Variants in BEST2 observed in about 807,000 individuals in gnomAD.
The protein encoded by BEST2 is bestrophin 2.
A neutral mutation model predicts 49.0 loss-of-function variants in BEST2; 36 were observed. The ratio of observed to expected loss-of-function variants is 0.73; its 90% CI spans 0.56 to 0.97. The LOEUF (loss-of-function observed/expected upper bound fraction) is 0.97. Ranked by LOEUF, BEST2 falls within the 50% of genes least tolerant of loss-of-function variation. The pLI is 0.00. For synonymous variants in BEST2, 335 were observed against 304.4 expected (o/e 1.10, Z -1.05); for missense variants, 672 against 710.0 (o/e 0.95, Z 0.61).
chr19:12,758,182 C>A lies in BEST2; in HGVS notation c.*105C>A. ...CCTCGTGTGCCTTTGTAAAGTCCACCTACACTTTTGACCAGCTCTCGCTGC... is the reference window on the plus strand; with the variant it reads ...CCTCGTGTGCCTTTGTAAAGTCCACATACACTTTTGACCAGCTCTCGCTGC... On this transcript the variant is annotated 3_prime_UTR_variant, in exon 10 of 10. Coordinates refer to ENST00000553030, the MANE Select transcript of BEST2 (RefSeq NM_017682.3). 1.5e-6 allele frequency: 2 copies of A among 1,351,226 alleles called. No individual in the cohort carries two copies. Among genetic ancestry groups the A allele is most frequent in the East Asian group, 2.4e-5 (1 of 41,090 alleles). 83.7% of individuals were successfully genotyped at this position (1,351,226 alleles called of 1,614,324 possible). A position where few individuals can be genotyped will look rare whatever the true frequency, so the allele number is the denominator to read the frequency against.
chr19:12,755,494 T>A lies in BEST2; in HGVS notation c.714+38T>A. 6.2e-7 allele frequency: 1 copy of A among 1,611,416 alleles called. No individual in the cohort carries two copies. The highest frequency in any genetic ancestry group is 2.2e-5 in the East Asian group (1 of 44,870). ...TGCCTCTTTTTATATTCGGTGTCAGTGGCCCTGATGCCTGGTTTCCAAGGG... is the reference window on the plus strand; with the variant it reads ...TGCCTCTTTTTATATTCGGTGTCAGAGGCCCTGATGCCTGGTTTCCAAGGG... On this transcript the variant is annotated intron_variant, in intron 6 of 9. Coordinates refer to ENST00000553030, the MANE Select transcript of BEST2 (RefSeq NM_017682.3). This position sits in a 1 kb window ranked among gnomAD's most constrained non-coding sequence, Gnocchi z 4.4.
chr19:12,755,481 T>C lies in BEST2; in HGVS notation c.714+25T>C, dbSNP rs763459755. 2 of 1,613,366 alleles carry C rather than the reference T, an allele frequency of 1.2e-6. No homozygotes were observed. The highest frequency in any genetic ancestry group is 4.5e-5 in the East Asian group (2 of 44,878). On this transcript the variant is annotated intron_variant, in intron 6 of 9. Transcript: ENST00000553030. The surrounding 1 kb of genome is among the most constrained non-coding windows in gnomAD (Gnocchi z 4.4). ...GGTAACCCCATCATGCCTCTTTTTA[T>C]ATTCGGTGTCAGTGGCCCTGATGCC...
At chr19:12,756,376 G>A in intron 9 of BEST2, 81 bp downstream of exon 9, 2 of 1,534,530 alleles carry the variant, frequency 1.3e-6, no homozygotes, top group East Asian at 4.5e-5. Context: ...AGGTTAAGTG[G>A]AATCAATTCT....
intron 3 of BEST2, 135 bp downstream of exon 3, chr19:12,753,489 C>G (rs1967897872): frequency 1.3e-6 from 1 of 773,334 alleles, no homozygotes; most frequent in Non-Finnish European, 2.2e-6. Context: ...ACTGCCCACC[C>G]ATTTTTGGAT....
chr19:12,755,143 C>A lies in BEST2; in HGVS notation c.636+112C>A. 1 of 1,317,454 alleles carries A rather than the reference C, an allele frequency of 7.6e-7. No homozygotes were observed. 81.6% of individuals were successfully genotyped at this position (1,317,454 alleles called of 1,614,324 possible). A position where few individuals can be genotyped will look rare whatever the true frequency, so the allele number is the denominator to read the frequency against. ...CCACGAGGCCGATTTCAAACACCCT[C>A]ACCAGGTGCACTCTTACCTCCATGG... On this transcript the variant is annotated intron_variant, in intron 5 of 9. Transcript: ENST00000553030. The surrounding 1 kb of genome is among the most constrained non-coding windows in gnomAD (Gnocchi z 4.4).
Position 12,753,260 on chromosome 19 carries a change from C to G in BEST2, c.153C>G (p.Arg51=). ...GTGACCCCTCATCTCTATCCCGCAG[C>G]TTTGTGCTGACCGAAGGGCAGAAGC... The part of the protein sequence containing the change: ...GFYMALSAAY[R]FVLTEGQKRY... Residue 51 remains arginine (R), a splice_region_variant and synonymous_variant, in exon 3 of 10, where the codon CGC becomes CGG. Coordinates refer to ENST00000553030, the MANE Select transcript of BEST2 (RefSeq NM_017682.3). The G allele has an allele frequency of 6.2e-7, 1 of 1,614,156 alleles. No homozygotes were observed.
In BEST2 at chr19:12,755,563, T is replaced by C. The variant is rs1377018886; in HGVS notation, c.715-52T>C. On this transcript the variant is annotated intron_variant, in intron 6 of 9. Transcript: ENST00000553030. The surrounding 1 kb of genome is among the most constrained non-coding windows in gnomAD (Gnocchi z 4.4). ...AGACCCCCATCATAATGATGCCTAA[T>C]CCTAGCCTTGGACCCCAATGACCCC... is the stretch of plus-strand genomic sequence containing the variant. 6.2e-7 allele frequency: 1 copy of C among 1,609,670 alleles called. No homozygotes were observed. Among genetic ancestry groups the C allele is most frequent in the East Asian group, 2.2e-5 (1 of 44,816 alleles).
rs1967925512 is a variant in BEST2, at chr19:12,755,191, G to A, written c.636+160G>A. Among the ~76,000 whole-genome samples the A allele has an allele frequency of 6.6e-6, 1 of 152,030 alleles. No individual in the cohort carries two copies. Among genetic ancestry groups the A allele is most frequent in the Non-Finnish European group, 1.5e-5 (1 of 67,978 alleles). On this transcript the variant is annotated intron_variant, in intron 5 of 9. Transcript: ENST00000553030. This position sits in a 1 kb window ranked among gnomAD's most constrained non-coding sequence, Gnocchi z 4.4. The stretch of plus-strand genomic sequence containing the variant: ...TGGGGCTGATTCCAATGCCCTTGAG[G>A]GGCAGCTCCTGGGTGCATGGTACCT...
At position 12,758,002 on chromosome 19, in the gene BEST2, C is replaced by T. The variant is rs1967967444; in HGVS notation, c.1455C>T (p.Thr485=). The change falls in exon 10 of 10, where the codon ACC becomes ACT. Residue 485 remains threonine (T), a synonymous_variant. Coordinates refer to ENST00000553030, the MANE Select transcript of BEST2 (RefSeq NM_017682.3). ...PGPVEPFSIV[T]MPGPRGPAPP... ...CTGTCGAGCCCTTCAGCATCGTGAC[C>T]ATGCCCGGGCCCCGGGGTCCGGCGC... The T allele has an allele frequency of 1.9e-6, 3 of 1,612,700 alleles. No individual in the cohort carries two copies. The highest frequency in any genetic ancestry group is 2.2e-5 in the East Asian group (1 of 44,866).
At position 12,755,577 on chromosome 19, in the gene BEST2, C is replaced by A; in HGVS notation, c.715-38C>A. The A allele has an allele frequency of 6.2e-7, 1 of 1,609,332 alleles. No individual in the cohort carries two copies. The highest frequency in any genetic ancestry group is 8.5e-7 in the Non-Finnish European group (1 of 1,176,822). On this transcript the variant is annotated intron_variant, in intron 6 of 9. Transcript: ENST00000553030. The surrounding 1 kb of genome is among the most constrained non-coding windows in gnomAD (Gnocchi z 4.4). ...ATGATGCCTAATCCTAGCCTTGGAC[C>A]CCAATGACCCCCCTGAGCCCTGCCC...
intron 3 of BEST2, among the ~76,000 whole-genome samples, chr19:12,754,128 T>G (rs1967905522): frequency 7.6e-6 from 1 of 130,994 alleles, no homozygotes; most frequent in Admixed American, 9.4e-5. Flanking sequence ...CAAGCTGGAG[T>G]GCAATGGTGC....
rs1437806982 is a variant in BEST2 at position 12,755,060 on chromosome 19, A to G, written c.636+29A>G. On this transcript the variant is annotated intron_variant, in intron 5 of 9. Coordinates refer to ENST00000553030, the MANE Select transcript of BEST2 (RefSeq NM_017682.3). This position sits in a 1 kb window ranked among gnomAD's most constrained non-coding sequence, Gnocchi z 4.4. ...GGCCCAACCAGGAGGTCATTCATAT[A>G]GAATACCAGGGAAATTGTACCCCTG... 4 of 1,573,386 alleles carry G rather than the reference A, an allele frequency of 2.5e-6. No individual in the cohort carries two copies. Among genetic ancestry groups the G allele is most frequent in the South Asian group, 2.4e-5 (2 of 85,050 alleles).
chr19:12,753,627 C>A (rs1452404691), intron 3 of BEST2, among the ~76,000 whole-genome samples: 1 of 152,040 alleles, frequency 6.6e-6, no homozygotes, highest in Non-Finnish European at 1.5e-5. Context: ...CCTGGTCACC[C>A]TGGGGATTCT....
Position 12,753,286 on chromosome 19 carries a change from G to A in BEST2, c.179G>A (p.Arg60His), listed in dbSNP as rs200640940. ...TTTGTGCTGACCGAAGGGCAGAAGCGCTACTTCGAGAAGCTTGTGATTTAT... is the reference window on the plus strand; with the variant it reads ...TTTGTGCTGACCGAAGGGCAGAAGCACTACTTCGAGAAGCTTGTGATTTAT... Reference protein sequence around the residue: ...YRFVLTEGQKRYFEKLVIYCD... With the variant: ...YRFVLTEGQKHYFEKLVIYCD... Residue 60 changes from arginine (R) to histidine (H), a missense_variant, in exon 3 of 10, where the codon CGC becomes CAC. By Grantham distance (29) the Arg-to-His change is conservative. Transcript: ENST00000553030. 824 of 1,614,156 alleles carry A rather than the reference G, an allele frequency of 5.1e-4. No individual in the cohort carries two copies. Among genetic ancestry groups the A allele is most frequent in the Admixed American group, 6.8e-4 (41 of 60,014 alleles).
chr19:12,754,925 C>A lies in BEST2; in HGVS notation c.530C>A (p.Ser177Tyr). The A allele has an allele frequency of 1.2e-6, 2 of 1,613,918 alleles. No homozygotes were observed. Among genetic ancestry groups the A allele is most frequent in the South Asian group, 2.2e-5 (2 of 91,042 alleles). Residue 177 changes from serine (S) to tyrosine (Y), a missense_variant, in exon 5 of 10, where the codon TCC (serine) becomes TAC (tyrosine). Transcript: ENST00000553030. ...AAGAAGTTTGAAAACCTGAACTCATCCTACAACAAGTACTGGGTGCCCTGC... is the reference window on the plus strand; with the variant it reads ...AAGAAGTTTGAAAACCTGAACTCATACTACAACAAGTACTGGGTGCCCTGC... The part of the protein sequence containing the change: ...ERKKFENLNS[S>Y]YNKYWVPCVW...
At chr19:12,753,472 C>T (rs1261037550) in intron 3 of BEST2, 118 bp downstream of exon 3, 8 of 913,248 alleles carry the variant, frequency 8.8e-6, no homozygotes, top group Admixed American at 4.0e-5. Context: ...AATCCAACCC[C>T]GACAGCACTG....
At chr19:12,754,414 C>G (rs1229054345) in intron 3 of BEST2, 138 bp from the exon 4 acceptor site, 13 of 722,638 alleles carry the variant, frequency 1.8e-5, no homozygotes, top group Non-Finnish European at 2.8e-5. Context: ...AAGTTCCCAG[C>G]CCAAACGTGG....
chr19:12,757,426 TA>T (rs973785489), intron 9 of BEST2, among the ~76,000 whole-genome samples: 1 of 151,896 alleles, frequency 6.6e-6, no homozygotes, highest in Admixed American at 6.6e-5. Context: ...TAAAATAAAA[TA>T]AAATAAAAAT....
chr19:12,754,387 C>G (rs983354543), intron 3 of BEST2, among the ~76,000 whole-genome samples, 165 bp from the exon 4 acceptor site: 11 of 151,994 alleles, frequency 7.2e-5, no homozygotes, highest in Non-Finnish European at 1.6e-4. Flanking sequence ...CCTTTCTGAC[C>G]TCAGGGCTGG....
Sources: allele counts gnomAD v4.1 joint callset (sites outside exome capture counted in the v4.1 genomes callset), GRCh38; gene constraint gnomAD v4.1.1; non-coding constraint Gnocchi (gnomAD v3.1); transcripts MANE v1.5; gene names NCBI Gene and HGNC (gene_info 2026-07-23, HGNC 2026-07-21).